AKAP13: variants seen among roughly 807,000 people sequenced by gnomAD.
The protein encoded by AKAP13 is A-kinase anchoring protein 13.
Under a neutral mutation model 264.5 loss-of-function variants are expected in AKAP13, and 80 were observed. The observed-to-expected ratio is 0.30, with a 90% CI of 0.25 to 0.36. The LOEUF (loss-of-function observed/expected upper bound fraction) is 0.36. AKAP13 is among the 10% of genes least tolerant of loss of function. The probability of loss-of-function intolerance (pLI) is 1.00; values close to 1 mark genes in which losing one functional copy is unlikely to be tolerated. For synonymous variants in AKAP13, 1,380 were observed against 1,250.2 expected (o/e 1.10, Z -2.19); for missense variants, 3,712 against 3,435.2 (o/e 1.08, Z -2.01).
Position 85,730,577 on chromosome 15 carries a change from G to A in AKAP13, c.7152G>A (p.Arg2384=). The A allele has an allele frequency of 6.2e-7, 1 of 1,614,058 alleles. No individual in the cohort carries two copies. Among genetic ancestry groups the A allele is most frequent in the South Asian group, 1.1e-5 (1 of 91,066 alleles). Residue 2384 remains arginine (R), a synonymous_variant, in exon 30 of 37, where the codon CGG becomes CGA. Coordinates refer to ENST00000394518, the MANE Select transcript of AKAP13 (RefSeq NM_007200.5). ...LLLEEKEMIF[R]DMAECSTPLP... ...TGGAAGAGAAGGAGATGATTTTCCG[G>A]GACATGGCTGAGTGCAGCACCCCTC...
intron 2 of AKAP13, among the ~76,000 whole-genome samples, chr15:85,511,389 G>A (rs535478296): frequency 1.3e-5 from 2 of 152,248 alleles, no homozygotes; most frequent in African/African-American, 4.8e-5. Flanking sequence ...TGACTGGCCA[G>A]GCTAGCCCTT....
At chr15:85,676,757 A>T (rs1257022892) in intron 14 of AKAP13, among the ~76,000 whole-genome samples, 1 of 152,218 alleles carries the variant, frequency 6.6e-6, no homozygotes, top group African/African-American at 2.4e-5. Flanking sequence ...TTCATAATCT[A>T]ACAGGTATGT....
chr15:85,718,907 AAC>A lies in AKAP13; in HGVS notation c.6002-167_6002-166del. 1.0e-6 allele frequency: 1 copy of A among 956,168 alleles called. No individual in the cohort carries two copies. Among genetic ancestry groups the A allele is most frequent in the South Asian group, 1.8e-5 (1 of 56,890 alleles). 59.2% of individuals were successfully genotyped at this position (956,168 alleles called of 1,614,324 possible). On this transcript the variant is annotated intron_variant, in intron 22 of 36. Transcript: ENST00000394518. The surrounding 1 kb of genome is among the most constrained non-coding windows in gnomAD (Gnocchi z 4.9). The stretch of plus-strand genomic sequence containing the variant: ...GAGCCAGAACCTGTCTTAAAAAAAA[AAC>A]AAAAAAACAAAAAAACGAGAACACT...
chr15:85,532,355 G>C (rs796705780), intron 3 of AKAP13, among the ~76,000 whole-genome samples: 8 of 152,326 alleles, frequency 5.3e-5, no homozygotes, highest in African/African-American at 1.9e-4. Flanking sequence ...TGAAACCTCT[G>C]TTGGCCTGTG....
chr15:85,526,395 C>G (rs77041485), intron 3 of AKAP13, among the ~76,000 whole-genome samples: 1 of 152,068 alleles, frequency 6.6e-6, no homozygotes, highest in Non-Finnish European at 1.5e-5. Context: ...AAGTAGCACT[C>G]ACCATCGTAA....
chr15:85,512,253 A>C (rs2076450905), intron 2 of AKAP13, among the ~76,000 whole-genome samples: 1 of 152,198 alleles, frequency 6.6e-6, no homozygotes, highest in African/African-American at 2.4e-5. Context: ...TGTACAGCGC[A>C]GTGCACATAA....
chr15:85,728,853 A>AT (rs1470599500), intron 29 of AKAP13, among the ~76,000 whole-genome samples: 2 of 151,490 alleles, frequency 1.3e-5, no homozygotes, highest in Non-Finnish European at 3.0e-5. Context: ...TAAAAAAAAA[A>AT]ATTTTTTTTT....
In AKAP13 at chr15:85,619,597, C is replaced by T. The variant is rs79844452; in HGVS notation, c.4162-19777C>T. On this transcript the variant is annotated intron_variant, in intron 8 of 36. Transcript: ENST00000394518. ...AATCTAATGACTTTTTTCATGCCAT[C>T]GCTTTGAAATAGCGTCGTCTTCCTT... 1.5e-4 allele frequency: 150 copies of T among 985,510 alleles called. 2 individuals carry two copies. In the East Asian group the frequency reaches 0.012, roughly 80 times the overall value. The allele number at this position is 985,510 out of a possible 1,614,324, so 61.0% of individuals were successfully genotyped here. A position where few individuals can be genotyped will look rare whatever the true frequency, so the allele number is the denominator to read the frequency against.
intron 14 of AKAP13, 60 bp from the exon 15 acceptor site, chr15:85,682,098 T>C: frequency 2.0e-6 from 3 of 1,470,958 alleles, no homozygotes; most frequent in Non-Finnish European, 2.8e-6. Flanking sequence ...TTATAAATAT[T>C]CTACCCGGCA....
intron 10 of AKAP13, among the ~76,000 whole-genome samples, chr15:85,650,719 A>G (rs993073131): frequency 1.6e-5 from 2 of 122,202 alleles, no homozygotes; most frequent in Non-Finnish European, 3.2e-5. Flanking sequence ...TTGTGCCACC[A>G]TACTCCAGCC....
intron 5 of AKAP13, among the ~76,000 whole-genome samples, chr15:85,573,836 C>G (rs2078911172): frequency 6.6e-6 from 1 of 151,982 alleles, no homozygotes; most frequent in South Asian, 2.1e-4. Flanking sequence ...GGAAGGCTTA[C>G]TAGGAATTAT....
chr15:85,703,712 A>C (rs1355924463), intron 17 of AKAP13, among the ~76,000 whole-genome samples: 1 of 152,038 alleles, frequency 6.6e-6, no homozygotes, highest in Non-Finnish European at 1.5e-5. Context: ...GCGTAGTGGC[A>C]TGGACCGGTA....
intron 17 of AKAP13, among the ~76,000 whole-genome samples, chr15:85,694,802 A>G (rs757686700): frequency 6.6e-6 from 1 of 152,196 alleles, no homozygotes; most frequent in Non-Finnish European, 1.5e-5. Context: ...TTAACATGAT[A>G]CTATATCTAT....
intron 1 of AKAP13, among the ~76,000 whole-genome samples, chr15:85,447,235 C>G (rs777704453): frequency 3.3e-5 from 5 of 151,918 alleles, no homozygotes; most frequent in Admixed American, 6.6e-5. Flanking sequence ...CCAGTGCATT[C>G]CAGCCTGGTG....
chr15:85,589,116 ATTTG>A (rs2151325707), intron 8 of AKAP13, among the ~76,000 whole-genome samples: 1 of 152,236 alleles, frequency 6.6e-6, no homozygotes, highest in South Asian at 2.1e-4. Context: ...AACTTGCCTT[ATTTG>A]CTGTGAGTTG....
chr15:85,475,115 G>A (rs566338483), intron 1 of AKAP13, among the ~76,000 whole-genome samples: 6 of 152,300 alleles, frequency 3.9e-5, no homozygotes, highest in African/African-American at 1.2e-4. Context: ...GATAGAGGCT[G>A]GGGAGGATGA....
At chr15:85,484,389 ATAGT>A (rs1232912977) in intron 1 of AKAP13, among the ~76,000 whole-genome samples, 2 of 152,216 alleles carry the variant, frequency 1.3e-5, no homozygotes, top group Non-Finnish European at 2.9e-5. Context: ...TTAAGTGAAG[ATAGT>A]CAGGAAGGAA....
chr15:85,622,804 T>C (rs1315057429), intron 8 of AKAP13, among the ~76,000 whole-genome samples: 1 of 152,254 alleles, frequency 6.6e-6, no homozygotes, highest in Non-Finnish European at 1.5e-5. Context: ...TCAAAGTCCA[T>C]GTTTTTCCTG....
chr15:85,543,668 T>C, intron 4 of AKAP13, 104 bp from the exon 5 acceptor site: 1 of 1,272,554 alleles, frequency 7.9e-7, no homozygotes. Context: ...TTTACAATCT[T>C]AGGCACTTGG....
Sources: gnomAD v4.1 joint callset for allele counts (sites outside exome capture counted in the v4.1 genomes callset) on GRCh38, gnomAD v4.1.1 for gene constraint, Gnocchi (gnomAD v3.1) non-coding constraint, MANE v1.5 for transcripts, NCBI Gene and HGNC (gene_info 2026-07-23, HGNC 2026-07-21) for gene names.